OXCT1: variants seen among roughly 807,000 people sequenced by gnomAD.
The protein encoded by OXCT1 is succinyl-CoA:3-ketoacid coenzyme A transferase 1, mitochondrial.
In OXCT1, 27 loss-of-function variants were observed where a neutral mutation model predicts 69.6. The observed-to-expected ratio is 0.39, with a 90% CI of 0.29 to 0.54. The LOEUF (loss-of-function observed/expected upper bound fraction) is 0.54. OXCT1 is among the 20% of genes least tolerant of loss of function. The pLI is 0.72. For synonymous variants in OXCT1, 202 were observed against 217.8 expected (o/e 0.93, Z 0.64); for missense variants, 437 against 650.2 (o/e 0.67, Z 3.57).
At chr5:41,776,672 C>T (rs1414823572) in intron 13 of OXCT1, among the ~76,000 whole-genome samples, 2 of 152,166 alleles carry the variant, frequency 1.3e-5, no homozygotes, top group Non-Finnish European at 2.9e-5. Context: ...TTTGCAGAAT[C>T]CAACATTTAC....
At chr5:41,828,274 AT>A (rs376584355) in intron 7 of OXCT1, among the ~76,000 whole-genome samples, 4,996 of 142,678 alleles carry the variant, frequency 0.035, 139 homozygotes, top group East Asian at 0.16. Flanking sequence ...TGCCTGGCTA[AT>A]TTTTTTTTTT....
intron 13 of OXCT1, among the ~76,000 whole-genome samples, chr5:41,791,345 CT>C (rs1336137851): frequency 5.3e-5 from 8 of 152,192 alleles, no homozygotes; most frequent in Non-Finnish European, 1.0e-4. Context: ...CATGATGTTC[CT>C]ACAGAACTCC....
intron 13 of OXCT1, among the ~76,000 whole-genome samples, chr5:41,768,953 A>G (rs1053667267): frequency 6.6e-6 from 1 of 152,142 alleles, no homozygotes; most frequent in Non-Finnish European, 1.5e-5. Flanking sequence ...CATGCCAGGA[A>G]TAGTGAGTTG....
chr5:41,803,284 A>C lies in OXCT1; in HGVS notation c.956-121T>G, dbSNP rs540040167. The C allele has an allele frequency of 4.5e-4, 299 of 671,364 alleles. 1 individual carries two copies. Among genetic ancestry groups the C allele is most frequent in the Middle Eastern group, 6.3e-4 (2 of 3,168 alleles). The allele number at this position is 671,364 out of a possible 1,614,324, so 41.6% of individuals were successfully genotyped here. On this transcript the variant is annotated intron_variant, in intron 9 of 16. Coordinates refer to ENST00000196371, the MANE Select transcript of OXCT1 (RefSeq NM_000436.4). Reference sequence around the variant, plus strand: ...AAAGGTGGCTTACTCTGAATGTAATAAATGAATATATTCTCCAATCACCCA... The same window carrying C: ...AAAGGTGGCTTACTCTGAATGTAATCAATGAATATATTCTCCAATCACCCA...
chr5:41,744,464 C>G (rs985185454), intron 15 of OXCT1, among the ~76,000 whole-genome samples: 2 of 152,132 alleles, frequency 1.3e-5, no homozygotes, highest in Non-Finnish European at 2.9e-5. Flanking sequence ...GTTTCCTTCT[C>G]CTGCCTGATT....
At chr5:41,859,385 C>G (rs77901056) in intron 3 of OXCT1, among the ~76,000 whole-genome samples, 3,913 of 152,230 alleles carry the variant, frequency 0.026, 57 homozygotes, top group Middle Eastern at 0.058. Context: ...TGTCATATCT[C>G]AAACTGCAAA....
At chr5:41,867,433 G>C (rs561782734) in intron 1 of OXCT1, among the ~76,000 whole-genome samples, 1 of 152,272 alleles carries the variant, frequency 6.6e-6, no homozygotes, top group South Asian at 2.1e-4. Context: ...TATTTAATTG[G>C]GGAGCTATAA....
intron 13 of OXCT1, among the ~76,000 whole-genome samples, chr5:41,792,922 G>C (rs1745990742): frequency 1.3e-5 from 2 of 152,064 alleles, no homozygotes; most frequent in Admixed American, 1.3e-4. Flanking sequence ...AGACTACCTG[G>C]GCTGGAACCC....
At chr5:41,780,934 C>T (rs945143703) in intron 13 of OXCT1, among the ~76,000 whole-genome samples, 2 of 150,220 alleles carry the variant, frequency 1.3e-5, no homozygotes, top group African/African-American at 4.9e-5. Context: ...GACGGAGTCT[C>T]GCTCTGTCAC....
In OXCT1 at chr5:41,820,083, G is replaced by A. The variant is rs113182229; in HGVS notation, c.733-12645C>T. Among the ~76,000 whole-genome samples the A allele has an allele frequency of 5.6e-3, 853 of 152,086 alleles. 3 individuals are homozygous for A. Among genetic ancestry groups the A allele is most frequent in the Non-Finnish European group, 9.5e-3 (649 of 68,000 alleles). On this transcript the variant is annotated intron_variant, in intron 7 of 16. Transcript: ENST00000196371. Reference sequence around the variant, plus strand: ...ACACAACTCCTCAACTAAGTGGGAGGTTTAAGAACACCTGGGAATAAAATA... The same window carrying A: ...ACACAACTCCTCAACTAAGTGGGAGATTTAAGAACACCTGGGAATAAAATA...
At position 41,870,268 on chromosome 5, in the gene OXCT1, C is replaced by T. The variant is rs964819184; in HGVS notation, c.78+13G>A. ...CTTCCTGCCCATGGCCTTCCTCTTC[C>T]CCCGCACTTTACCTTGTACCAGGTT... is the stretch of plus-strand genomic sequence containing the variant. On this transcript the variant is annotated intron_variant, in intron 1 of 16. Coordinates refer to ENST00000196371, the MANE Select transcript of OXCT1 (RefSeq NM_000436.4). This position sits in a 1 kb window ranked among gnomAD's most constrained non-coding sequence, Gnocchi z 4.2. The T allele has an allele frequency of 8.7e-6, 14 of 1,609,300 alleles. No homozygotes were observed. Among genetic ancestry groups the T allele is most frequent in the East Asian group, 2.2e-5 (1 of 44,856 alleles).
chr5:41,849,994 G>T, intron 5 of OXCT1, 36 bp downstream of exon 5: 2 of 1,610,300 alleles, frequency 1.2e-6, no homozygotes, highest in Non-Finnish European at 1.7e-6. Flanking sequence ...GTGGAAAGAG[G>T]GATCCTGGTA....
intron 13 of OXCT1, among the ~76,000 whole-genome samples, chr5:41,785,056 TA>T (rs1745581055): frequency 6.6e-6 from 1 of 152,146 alleles, no homozygotes; most frequent in Admixed American, 6.5e-5. Context: ...AAGAAAAGTA[TA>T]ATAAATAGCT....
At chr5:41,866,958 T>C (rs773258395) in intron 1 of OXCT1, among the ~76,000 whole-genome samples, 3 of 152,188 alleles carry the variant, frequency 2.0e-5, no homozygotes, top group African/African-American at 4.8e-5. Flanking sequence ...GGCTGTGTGG[T>C]TACAGACATG....
At chr5:41,811,122 A>AG in intron 7 of OXCT1, among the ~76,000 whole-genome samples, 1 of 151,500 alleles carries the variant, frequency 6.6e-6, no homozygotes, top group East Asian at 1.9e-4. Context: ...GAAAAATAAA[A>AG]GGGGGAGACA....
chr5:41,745,141 T>C (rs1401017505), intron 15 of OXCT1, among the ~76,000 whole-genome samples: 1 of 151,946 alleles, frequency 6.6e-6, no homozygotes, highest in Non-Finnish European at 1.5e-5. Context: ...ACTGATCACA[T>C]AGTTGGAAGT....
intron 7 of OXCT1, among the ~76,000 whole-genome samples, chr5:41,827,946 C>G (rs1000066282): frequency 2.6e-5 from 4 of 152,134 alleles, no homozygotes; most frequent in African/African-American, 9.7e-5. Context: ...CTCCCAAACC[C>G]CAAGAACACA....
At chr5:41,733,414 T>G (rs1452088042) in intron 16 of OXCT1, among the ~76,000 whole-genome samples, 3 of 152,098 alleles carry the variant, frequency 2.0e-5, no homozygotes, top group Non-Finnish European at 2.9e-5. Context: ...GACCAGCTAA[T>G]TTTTGTATAT....
intron 7 of OXCT1, among the ~76,000 whole-genome samples, chr5:41,812,138 A>G (rs1747012544): frequency 6.6e-6 from 1 of 152,194 alleles, no homozygotes; most frequent in South Asian, 2.1e-4. Context: ...CCTCTAACGA[A>G]TAAGAATAAA....
Sources: gnomAD v4.1 joint callset for allele counts (sites outside exome capture counted in the v4.1 genomes callset) on GRCh38, gnomAD v4.1.1 for gene constraint, Gnocchi (gnomAD v3.1) non-coding constraint, MANE v1.5 for transcripts, NCBI Gene and HGNC (gene_info 2026-07-23, HGNC 2026-07-21) for gene names.